TBC1D17: variants seen among roughly 807,000 people sequenced by gnomAD.
TBC1D17 encodes the protein TBC1 domain family, member 17.
Under a neutral mutation model 78.8 loss-of-function variants are expected in TBC1D17, and 69 were observed. That is an observed-to-expected ratio of 0.88 (90% CI 0.72 to 1.07). TBC1D17 has a LOEUF of 1.07. Ranked by LOEUF, TBC1D17 falls within the 50% of genes least tolerant of loss-of-function variation. The probability of loss-of-function intolerance (pLI) is 0.00; values close to 1 mark genes in which losing one functional copy is unlikely to be tolerated. For synonymous variants in TBC1D17, 456 were observed against 358.3 expected (o/e 1.27, Z -3.08); for missense variants, 957 against 861.0 (o/e 1.11, Z -1.39).
chr19:49,884,725 A>G lies in TBC1D17; in HGVS notation c.1411A>G (p.Arg471Gly). 1.9e-6 allele frequency: 3 copies of G among 1,613,888 alleles called. No homozygotes were observed. Among genetic ancestry groups the G allele is most frequent in the Non-Finnish European group, 2.5e-6 (3 of 1,179,980 alleles). ...ACTCGGGCGACTGCTGCTGCTCCTGAGGGTGCTGGACCCCCTGCTCTGCGA... is the reference window on the plus strand; with the variant it reads ...ACTCGGGCGACTGCTGCTGCTCCTGGGGGTGCTGGACCCCCTGCTCTGCGA... ...RQLGRLLLLL[R>G]VLDPLLCDFL... Residue 471 changes from arginine to glycine, a missense_variant, in exon 13 of 17, where the codon AGG becomes GGG. Transcript: ENST00000221543.
At position 49,887,483 on chromosome 19, in the gene TBC1D17, G is replaced by A. The variant is rs755763950; in HGVS notation, c.1452G>A (p.Gln484=). 3 of 1,613,994 alleles carry A rather than the reference G, an allele frequency of 1.9e-6. No homozygotes were observed. Among genetic ancestry groups the A allele is most frequent in the South Asian group, 1.1e-5 (1 of 91,002 alleles). ...CTCCATGTCATCCCCCAGATTCCCA[G>A]GACTCCGGCTCTCTCTGCTTCTGTT... ...DPLLCDFLDS[Q]DSGSLCFCFR... Residue 484 remains glutamine, a synonymous_variant, in exon 14 of 17, where the codon CAG becomes CAA. Transcript: ENST00000221543.
At chr19:49,879,869 A>G (rs1479505069) in intron 3 of TBC1D17, among the ~76,000 whole-genome samples, 1 of 131,568 alleles carries the variant, frequency 7.6e-6, no homozygotes, top group African/African-American at 2.9e-5. Flanking sequence ...TTTTTTTTTT[A>G]ATGAGACAGA....
At position 49,882,729 on chromosome 19, in the gene TBC1D17, G is replaced by A. The variant is rs147793422; in HGVS notation, c.799-35G>A. On this transcript the variant is annotated intron_variant, in intron 7 of 16. Transcript: ENST00000221543. ...CTGGGTTGGGTCCCCCCACCACCCC[G>A]CCGAGCCCCAGGCTCATTTGCTCTT... The A allele has an allele frequency of 6.3e-5, 95 of 1,498,634 alleles. 1 individual carries two copies. Among genetic ancestry groups the A allele is most frequent in the South Asian group, 5.8e-4 (43 of 74,766 alleles). The allele number at this position is 1,498,634 out of a possible 1,614,324, so 92.8% of individuals were successfully genotyped here. A position where few individuals can be genotyped will look rare whatever the true frequency, so the allele number is the denominator to read the frequency against.
At position 49,878,129 on chromosome 19, in the gene TBC1D17, TC is replaced by T. The variant is rs869304210; in HGVS notation, c.22-8del. On this transcript the variant is annotated splice_polypyrimidine_tract_variant and intron_variant, in intron 1 of 16. Coordinates refer to ENST00000221543, the MANE Select transcript of TBC1D17 (RefSeq NM_024682.3). Reference sequence around the variant, plus strand: ...CGCTTGGGCCCCAGCCCTCGCTGGTTCCCCCCAACTCAGGTGGTGTTTGAGA... The same window carrying T: ...CGCTTGGGCCCCAGCCCTCGCTGGTTCCCCCAACTCAGGTGGTGTTTGAGA... 3 of 1,566,564 alleles carry T rather than the reference TC, an allele frequency of 1.9e-6. No individual in the cohort carries two copies. Among genetic ancestry groups the T allele is most frequent in the East Asian group, 2.4e-5 (1 of 41,600 alleles).
rs1470298812 is a variant in TBC1D17 at position 49,887,802 on chromosome 19, C to T, written c.1627C>T (p.Leu543=). ...ILDMERDTLM[L]SGFGSNEILK... Reference sequence around the variant, plus strand: ...GGACATGGAGAGGGACACCCTCATGCTGTCCGGCTTCGGCTCCAATGAGAT... The same window carrying T: ...GGACATGGAGAGGGACACCCTCATGTTGTCCGGCTTCGGCTCCAATGAGAT... Residue 543 remains leucine, a synonymous_variant, in exon 15 of 17, where the codon CTG becomes TTG. Coordinates refer to ENST00000221543, the MANE Select transcript of TBC1D17 (RefSeq NM_024682.3). The T allele has an allele frequency of 6.2e-7, 1 of 1,611,936 alleles. No homozygotes were observed. Among genetic ancestry groups the T allele is most frequent in the Non-Finnish European group, 8.5e-7 (1 of 1,179,420 alleles).
chr19:49,883,580 C>T (rs1015736010), intron 9 of TBC1D17, 71 bp from the exon 10 acceptor site: 31 of 1,409,452 alleles, frequency 2.2e-5, no homozygotes, highest in East Asian at 1.1e-4. Context: ...TGGGAGGTGG[C>T]GCCAGGCTTG....
chr19:49,881,096 C>T (rs2075008505), intron 4 of TBC1D17, among the ~76,000 whole-genome samples, 172 bp from the exon 5 acceptor site: 2 of 152,140 alleles, frequency 1.3e-5, no homozygotes, highest in East Asian at 1.9e-4. Context: ...ACTGGGCCCC[C>T]TTCCCATCTT....
At chr19:49,887,900 C>T (rs2075074474) in intron 15 of TBC1D17, 66 bp downstream of exon 15, 1 of 1,320,034 alleles carries the variant, frequency 7.6e-7, no homozygotes, top group South Asian at 1.3e-5. Flanking sequence ...GCCGCAGTAC[C>T]TCCGGGGAGC....
At chr19:49,884,216 C>T (rs755655230) in intron 10 of TBC1D17, 37 bp from the exon 11 acceptor site, 2 of 1,594,784 alleles carry the variant, frequency 1.3e-6, no homozygotes, top group Non-Finnish European at 1.7e-6. Context: ...GCCCCCCTAC[C>T]TTTCTCACCT....
chr19:49,884,593 A>G (rs767309115), intron 12 of TBC1D17, 34 bp downstream of exon 12: 90 of 1,613,512 alleles, frequency 5.6e-5, no homozygotes, highest in Non-Finnish European at 7.3e-5. Flanking sequence ...ACACAGGCCT[A>G]TCGAGCGATC....
At chr19:49,880,622 A>G (rs1271723285) in intron 4 of TBC1D17, among the ~76,000 whole-genome samples, 2 of 152,172 alleles carry the variant, frequency 1.3e-5, no homozygotes, top group African/African-American at 4.8e-5. Context: ...TGCTCATCCT[A>G]CTGGGCTCCC....
At chr19:49,881,970 C>A in intron 5 of TBC1D17, 71 bp from the exon 6 acceptor site, 1 of 1,359,296 alleles carries the variant, frequency 7.4e-7, no homozygotes, top group Non-Finnish European at 1.0e-6. Context: ...CCGATGTCGG[C>A]CGAGCACAGA....
rs573671420 is a variant in TBC1D17, at chr19:49,881,445, G to A, written c.497G>A (p.Arg166His). 25 of 1,610,836 alleles carry A rather than the reference G, an allele frequency of 1.6e-5. No individual in the cohort carries two copies. Among genetic ancestry groups the A allele is most frequent in the Admixed American group, 1.3e-4 (8 of 59,988 alleles). Residue 166 changes from arginine to histidine, a missense_variant, in exon 5 of 17, where the codon CGC becomes CAC. By Grantham distance (29) the Arg-to-His change is conservative. Transcript: ENST00000221543. The stretch of plus-strand genomic sequence containing the variant: ...CGCGGGGGCACCCGCGCCCTGCTCC[G>A]CGTCCTCAGCCGCTACCTGCTGTTG... ...FHRGGTRALL[R>H]VLSRYLLLAS...
chr19:49,885,974 CAA>C (rs972298479), intron 13 of TBC1D17, among the ~76,000 whole-genome samples: 10 of 43,542 alleles, frequency 2.3e-4, no homozygotes, highest in African/African-American at 2.8e-4. Flanking sequence ...GACCTTGCCT[CAA>C]AAAAAAAAAA....
At chr19:49,887,868 CCT>C in intron 15 of TBC1D17, 34 bp downstream of exon 15, 1 of 1,547,856 alleles carries the variant, frequency 6.5e-7, no homozygotes, top group South Asian at 1.2e-5. Context: ...CCCTGTCCCC[CCT>C]GAGCTGGGCG....
Position 49,878,585 on chromosome 19 carries a change from C to A in TBC1D17, c.195+13C>A, listed in dbSNP as rs2074981434. The A allele has an allele frequency of 6.2e-7, 1 of 1,613,418 alleles. No homozygotes were observed. Among genetic ancestry groups the A allele is most frequent in the Non-Finnish European group, 8.5e-7 (1 of 1,179,532 alleles). ...CTTCTCCAAGAAGGTAGGCTCCACC[C>A]GCTTTGCCCTTCTCCACTCGCTTTT... On this transcript the variant is annotated intron_variant, in intron 3 of 16. Coordinates refer to ENST00000221543, the MANE Select transcript of TBC1D17 (RefSeq NM_024682.3).
rs1280209887 is a variant in TBC1D17 at position 49,878,211 on chromosome 19, C to G, written c.90C>G (p.Leu30=). 6.4e-7 allele frequency: 1 copy of G among 1,564,016 alleles called. No individual in the cohort carries two copies. ...AGAAGTATCAGGACCGAGACTCTCT[C>G]ATCGCTGGTGTCATCCGTGTCGTGG... ...SAKKYQDRDS[L]IAGVIRVVEK... The change falls in exon 2 of 17, where the codon CTC becomes CTG. Residue 30 remains leucine (L), a synonymous_variant. Transcript: ENST00000221543.
At chr19:49,881,141 G>A (rs2075008802) in intron 4 of TBC1D17, 127 bp from the exon 5 acceptor site, 4 of 747,086 alleles carry the variant, frequency 5.4e-6, no homozygotes, top group Non-Finnish European at 8.7e-6. Flanking sequence ...TGAGGCCAGG[G>A]GCAGAGGGGT....
chr19:49,880,527 C>T (rs996689482), intron 4 of TBC1D17, 125 bp downstream of exon 4: 11 of 1,293,936 alleles, frequency 8.5e-6, no homozygotes, highest in Non-Finnish European at 1.1e-5. Flanking sequence ...CACCACCTTC[C>T]AGTCCCAGGA....
Sources: gnomAD v4.1 joint callset for allele counts (sites outside exome capture counted in the v4.1 genomes callset) on GRCh38, gnomAD v4.1.1 for gene constraint, MANE v1.5 for transcripts, NCBI Gene and HGNC (gene_info 2026-07-23, HGNC 2026-07-21) for gene names.